Variants in CDK8 observed in about 807,000 individuals in gnomAD.
CDK8 encodes the protein cyclin dependent kinase 8.
A neutral mutation model predicts 71.5 loss-of-function variants in CDK8; 29 were observed. That is an observed-to-expected ratio of 0.41 (90% CI 0.30 to 0.55). The LOEUF is 0.55. CDK8 is among the 20% of genes least tolerant of loss of function. The probability of loss-of-function intolerance (pLI) is 0.37; values close to 1 mark genes in which losing one functional copy is unlikely to be tolerated. For synonymous variants in CDK8, 161 were observed against 192.1 expected (o/e 0.84, Z 1.34); for missense variants, 288 against 572.6 (o/e 0.50, Z 5.07).
chr13:26,293,866 C>G (rs1873419175), intron 1 of CDK8, among the ~76,000 whole-genome samples: 1 of 151,942 alleles, frequency 6.6e-6, no homozygotes, highest in South Asian at 2.1e-4. Context: ...TATATTTTGA[C>G]CTTATTTTTC....
chr13:26,395,829 G>A (rs1468028720), intron 7 of CDK8, among the ~76,000 whole-genome samples: 2 of 152,012 alleles, frequency 1.3e-5, no homozygotes. Flanking sequence ...GTGAAAGGAG[G>A]GCTGTATCAT....
At chr13:26,376,479 AT>A (rs1874957961) in intron 4 of CDK8, among the ~76,000 whole-genome samples, 1 of 152,234 alleles carries the variant, frequency 6.6e-6, no homozygotes, top group Non-Finnish European at 1.5e-5. Context: ...CTATTAAAAA[AT>A]ATATACACAT....
At chr13:26,291,983 A>T (rs1873325348) in intron 1 of CDK8, among the ~76,000 whole-genome samples, 1 of 152,188 alleles carries the variant, frequency 6.6e-6, no homozygotes, top group Non-Finnish European at 1.5e-5. Context: ...TTGCATGTTT[A>T]AAAAAATGTC....
intron 4 of CDK8, among the ~76,000 whole-genome samples, chr13:26,368,390 C>T (rs1251925393): frequency 1.3e-5 from 2 of 152,158 alleles, no homozygotes; most frequent in African/African-American, 4.8e-5. Context: ...ATCTTCCCAC[C>T]TGGGAGACTG....
At chr13:26,277,565 TAC>T (rs1872601640) in intron 1 of CDK8, among the ~76,000 whole-genome samples, 1 of 152,178 alleles carries the variant, frequency 6.6e-6, no homozygotes, top group Non-Finnish European at 1.5e-5. Context: ...AGGAGAAAGG[TAC>T]CATAGTATAT....
intron 6 of CDK8, among the ~76,000 whole-genome samples, chr13:26,387,399 A>G (rs375813421): frequency 6.6e-6 from 1 of 152,192 alleles, no homozygotes; most frequent in African/African-American, 2.4e-5. Flanking sequence ...TGTATAAATC[A>G]TGGGGCTTAT....
intron 1 of CDK8, among the ~76,000 whole-genome samples, chr13:26,323,157 C>T (rs142711929): frequency 6.6e-6 from 1 of 152,242 alleles, no homozygotes; most frequent in Non-Finnish European, 1.5e-5. Flanking sequence ...GCTACATCTA[C>T]ATAGAGTGGG....
intron 1 of CDK8, among the ~76,000 whole-genome samples, chr13:26,326,091 C>T (rs915686999): frequency 6.6e-6 from 1 of 152,134 alleles, no homozygotes; most frequent in African/African-American, 2.4e-5. Flanking sequence ...GCCTTTGTCC[C>T]TAAGTGTGGT....
chr13:26,327,414 G>A (rs568103842), intron 1 of CDK8, among the ~76,000 whole-genome samples: 92 of 152,108 alleles, frequency 6.0e-4, no homozygotes, highest in African/African-American at 1.7e-3. Context: ...CGTAAAATAC[G>A]TTTTATTAGC....
At chr13:26,255,176 G>C (rs1277410728) in intron 1 of CDK8, among the ~76,000 whole-genome samples, 1 of 151,934 alleles carries the variant, frequency 6.6e-6, no homozygotes, top group African/African-American at 2.4e-5. Flanking sequence ...CATCGGTCTA[G>C]AAGGAAGGCT....
chr13:26,375,666 A>G (rs990401536), intron 4 of CDK8, among the ~76,000 whole-genome samples: 16 of 152,252 alleles, frequency 1.1e-4, no homozygotes, highest in African/African-American at 3.9e-4. Flanking sequence ...CCACTTAAGC[A>G]GGCAAGCATA....
In CDK8 at chr13:26,390,185, C is replaced by T. The variant is rs116835702; in HGVS notation, c.647-3182C>T. On this transcript the variant is annotated intron_variant, in intron 6 of 12. Transcript: ENST00000381527. ...ACCAAGAACTTCCCCAGCATTTTGA[C>T]TTCCTTGTTTGATAGCTGAATTGTG... Among the ~76,000 whole-genome samples the T allele has an allele frequency of 6.4e-3, 969 of 152,314 alleles. 10 individuals are homozygous for T. Among genetic ancestry groups the T allele is most frequent in the African/African-American group, 0.021 (866 of 41,564 alleles).
rs1407142170 is a variant in CDK8 at position 26,404,793 on chromosome 13, G to T, written c.*712G>T. 3.6e-5 allele frequency: 8 copies of T among 219,316 alleles called. No homozygotes were observed. The highest frequency in any genetic ancestry group is 1.8e-4 in the South Asian group (1 of 5,420). The allele number at this position is 219,316 out of a possible 1,614,324, so 13.6% of individuals were successfully genotyped here. On this transcript the variant is annotated 3_prime_UTR_variant, in exon 13 of 13. Coordinates refer to ENST00000381527, the MANE Select transcript of CDK8 (RefSeq NM_001260.3). Reference sequence around the variant, plus strand: ...CTATTTGATAGTAATTAAATATGTTGTCATTGATATAAACCTGTTTGGTTC... The same window carrying T: ...CTATTTGATAGTAATTAAATATGTTTTCATTGATATAAACCTGTTTGGTTC...
intron 1 of CDK8, among the ~76,000 whole-genome samples, chr13:26,257,326 T>C (rs1871567254): frequency 1.3e-5 from 2 of 152,156 alleles, no homozygotes; most frequent in African/African-American, 4.8e-5. Flanking sequence ...CATGAATAAT[T>C]GGTAAAATAA....
chr13:26,274,263 TTTA>T (rs1437117812), intron 1 of CDK8, among the ~76,000 whole-genome samples: 1 of 152,148 alleles, frequency 6.6e-6, no homozygotes, highest in African/African-American at 2.4e-5. Flanking sequence ...GATCAATAGT[TTTA>T]TTATTGTTTT....
chr13:26,358,706 A>G (rs758565929), intron 4 of CDK8, among the ~76,000 whole-genome samples: 17 of 152,250 alleles, frequency 1.1e-4, no homozygotes, highest in Non-Finnish European at 1.3e-4. Flanking sequence ...TCATAGCAGC[A>G]TTATTCACAG....
At chr13:26,286,951 A>AT (rs1873051738) in intron 1 of CDK8, among the ~76,000 whole-genome samples, 1 of 152,224 alleles carries the variant, frequency 6.6e-6, no homozygotes. Context: ...CCATAAGGAG[A>AT]TACCACCTTA....
At chr13:26,275,846 A>G (rs1872541427) in intron 1 of CDK8, among the ~76,000 whole-genome samples, 1 of 151,786 alleles carries the variant, frequency 6.6e-6, no homozygotes, top group South Asian at 2.1e-4. Context: ...ACTTGAGGAA[A>G]CTTTGGTGTT....
At chr13:26,257,612 CT>C (rs1328112772) in intron 1 of CDK8, among the ~76,000 whole-genome samples, 1 of 152,104 alleles carries the variant, frequency 6.6e-6, no homozygotes, top group Non-Finnish European at 1.5e-5. Flanking sequence ...GGTTCATTTT[CT>C]TTCTGAGTTG....
Sources: allele counts gnomAD v4.1 joint callset (sites outside exome capture counted in the v4.1 genomes callset), GRCh38; gene constraint gnomAD v4.1.1; transcripts MANE v1.5; gene names NCBI Gene and HGNC (gene_info 2026-07-23, HGNC 2026-07-21).